Variants in GRIN1 observed in about 807,000 individuals in gnomAD.
GRIN1 encodes the protein glutamate receptor ionotropic, NMDA 1.
Under a neutral mutation model 103.0 loss-of-function variants are expected in GRIN1, and 38 were observed. The observed-to-expected ratio is 0.37, with a 90% CI of 0.28 to 0.48. The LOEUF is 0.48. GRIN1 is among the 20% of genes least tolerant of loss of function. The pLI is 0.98. For missense variants in GRIN1, 577 were observed against 1,288.9 expected, an observed-to-expected ratio of 0.45 and a Z score of 8.46; for synonymous variants, 544 against 532.7, an observed-to-expected ratio of 1.02 and a Z score of -0.29.
chr9:137,158,319 G>T (rs992990766), intron 6 of GRIN1, 60 bp from the exon 7 acceptor site: 112 of 1,571,348 alleles, frequency 7.1e-5, no homozygotes, highest in Non-Finnish European at 8.8e-5. Flanking sequence ...GGGGGAAGGA[G>T]CAGGGAGGAG....
At position 137,167,840 on chromosome 9, in the gene GRIN1, TGAGGCCCCCG is replaced by T; in HGVS notation, c.*319_*328del. 6.2e-7 allele frequency: 1 copy of T among 1,612,028 alleles called. No individual in the cohort carries two copies. The highest frequency in any genetic ancestry group is 8.5e-7 in the Non-Finnish European group (1 of 1,179,530). On this transcript the variant is annotated 3_prime_UTR_variant, in exon 20 of 20. Coordinates refer to ENST00000371561, the MANE Select transcript of GRIN1 (RefSeq NM_007327.4). ...AGATCCCTCGGTCAGCACCGTGGTG[TGAGGCCCCCG>T]GAGGCGCCCACCTGCCCAGTTAGCC...
At position 137,146,235 on chromosome 9, in the gene GRIN1, T is replaced by C. The variant is rs1296494139; in HGVS notation, c.570+333T>C. ...AGGCCCCAGCCGGGCTTGGGACTCG[T>C]CACCCTTCCCGCCCACCCTGTCCTG... On this transcript the variant is annotated intron_variant, in intron 3 of 19. Transcript: ENST00000371561. The surrounding 1 kb of genome is among the most constrained non-coding windows in gnomAD (Gnocchi z 6.7). 6.6e-6 allele frequency among the ~76,000 whole-genome samples: 1 copy of C among 151,734 alleles called. No homozygotes were observed. Among genetic ancestry groups the C allele is most frequent in the Non-Finnish European group, 1.5e-5 (1 of 67,934 alleles).
At chr9:137,157,626 T>C (rs1044598596) in intron 6 of GRIN1, among the ~76,000 whole-genome samples, 13 of 152,152 alleles carry the variant, frequency 8.5e-5, no homozygotes, top group African/African-American at 3.1e-4. Flanking sequence ...ACAGCCAGGG[T>C]TGGCCAAGGC....
rs143098819 is a variant in GRIN1 at position 137,163,787 on chromosome 9, C to T, written c.2472C>T (p.Ile824=). 1.9e-6 allele frequency: 3 copies of T among 1,613,684 alleles called. No homozygotes were observed. The highest frequency in any genetic ancestry group is 2.5e-6 in the Non-Finnish European group (3 of 1,179,982). Residue 824 remains isoleucine (I), a synonymous_variant, in exon 18 of 20, where the codon ATC becomes ATT. Coordinates refer to ENST00000371561, the MANE Select transcript of GRIN1 (RefSeq NM_007327.4). Reference sequence around the variant, plus strand: ...TCTTCATGCTGGTAGCTGGGGGCATCGTGGCCGGGATCTTCCTGATTTTCA... The same window carrying T: ...TCTTCATGCTGGTAGCTGGGGGCATTGTGGCCGGGATCTTCCTGATTTTCA... ...AGVFMLVAGG[I]VAGIFLIFIE... is the part of the protein sequence containing the mutation.
Position 137,162,583 on chromosome 9 carries a change from G to A in GRIN1, c.1865-8G>A, listed in dbSNP as rs2131298967. ...TAGGGTCTGACAGAGCCCCCCGCCC[G>A]CCCACAGGCGCCCCCAGAAGCTTCT... On this transcript the variant is annotated splice_region_variant and splice_polypyrimidine_tract_variant and intron_variant, in intron 13 of 19. Transcript: ENST00000371561. 6.2e-7 allele frequency: 1 copy of A among 1,611,490 alleles called. No individual in the cohort carries two copies. The highest frequency in any genetic ancestry group is 2.2e-5 in the East Asian group (1 of 44,868).
rs1464418877 is a variant in GRIN1, at chr9:137,149,116, C to G, written c.671+7C>G. On this transcript the variant is annotated splice_region_variant and intron_variant, in intron 4 of 19. Transcript: ENST00000371561. ...TCATCATCCTTTCTGCCAGGTGAGGCTGGGCAGGGCCCTACACACTCCACA... is the reference window on the plus strand; with the variant it reads ...TCATCATCCTTTCTGCCAGGTGAGGGTGGGCAGGGCCCTACACACTCCACA... 6.3e-7 allele frequency: 1 copy of G among 1,575,802 alleles called. No individual in the cohort carries two copies. Among genetic ancestry groups the G allele is most frequent in the Non-Finnish European group, 8.7e-7 (1 of 1,151,124 alleles).
chr9:137,144,619 C>A (rs968114505), intron 2 of GRIN1, among the ~76,000 whole-genome samples: 6 of 147,512 alleles, frequency 4.1e-5, no homozygotes, highest in African/African-American at 1.3e-4. Flanking sequence ...TGCACTCCAG[C>A]CTGGGTAACA....
chr9:137,162,902 T>C lies in GRIN1; in HGVS notation c.2070T>C (p.Asp690=), dbSNP rs1833636508. The C allele has an allele frequency of 3.1e-6, 5 of 1,611,522 alleles. No individual in the cohort carries two copies. Among genetic ancestry groups the C allele is most frequent in the Non-Finnish European group, 4.2e-6 (5 of 1,179,422 alleles). The stretch of plus-strand genomic sequence containing the variant: ...CCACGGTGAAGCAGAGCTCCGTGGA[T>C]ATCTACTTCCGGCGCCAGGTGGAGC... ...IYATVKQSSV[D]IYFRRQVELS... The change falls in exon 15 of 20, where the codon GAT becomes GAC. Residue 690 remains aspartate (D), a synonymous_variant. Transcript: ENST00000371561.
intron 3 of GRIN1, chr9:137,148,023 G>C: frequency 3.3e-6 from 2 of 605,554 alleles, no homozygotes; most frequent in Middle Eastern, 2.9e-4. Flanking sequence ...CGGTGTTTGC[G>C]AGCTCCAGGT....
chr9:137,154,515 G>A (rs1253725796), intron 4 of GRIN1, among the ~76,000 whole-genome samples: 8 of 128,988 alleles, frequency 6.2e-5, no homozygotes, highest in African/African-American at 8.9e-5. Context: ...GTGCAGTGGC[G>A]CGATCTTGGC....
rs200389409 is a variant in GRIN1, at chr9:137,167,976, C to T, written c.*449C>T. Reference sequence around the variant, plus strand: ...CTGGGCCTCCCGTCCGTCCGCCCGCCCACCCCGCTGCCTGGCGGGCAGCCC... The same window carrying T: ...CTGGGCCTCCCGTCCGTCCGCCCGCTCACCCCGCTGCCTGGCGGGCAGCCC... On this transcript the variant is annotated 3_prime_UTR_variant, in exon 20 of 20. Transcript: ENST00000371561. The T allele has an allele frequency of 3.8e-5, 31 of 806,520 alleles. No homozygotes were observed. Among genetic ancestry groups the T allele is most frequent in the Non-Finnish European group, 6.2e-5 (30 of 485,652 alleles). 50.0% of individuals were successfully genotyped at this position (806,520 alleles called of 1,614,324 possible).
intron 2 of GRIN1, 103 bp from the exon 3 acceptor site, chr9:137,145,623 G>A: frequency 1.1e-6 from 1 of 918,946 alleles, no homozygotes; most frequent in South Asian, 1.5e-5. Flanking sequence ...GGTGGGAGGA[G>A]GGGGGTTCCC....
At chr9:137,142,566 G>A (rs574671595) in intron 2 of GRIN1, among the ~76,000 whole-genome samples, 13 of 152,298 alleles carry the variant, frequency 8.5e-5, no homozygotes, top group South Asian at 6.2e-4. Context: ...CCATGGATTC[G>A]CACAAAGTCA....
At position 137,144,415 on chromosome 9, in the gene GRIN1, G is replaced by A. The variant is rs527433788; in HGVS notation, c.394-1311G>A. Among the ~76,000 whole-genome samples the A allele has an allele frequency of 1.9e-4, 29 of 151,810 alleles. 1 individual carries two copies. In the South Asian group the frequency reaches 5.8e-3, roughly 31 times the overall value. ...CACGCCTGTAATCCCAGCACTTTGG[G>A]AGGCCGAGGCGGGCGGATCACGAGG... On this transcript the variant is annotated intron_variant, in intron 2 of 19. Coordinates refer to ENST00000371561, the MANE Select transcript of GRIN1 (RefSeq NM_007327.4).
intron 4 of GRIN1, 81 bp from the exon 5 acceptor site, chr9:137,156,588 C>T: frequency 1.3e-6 from 2 of 1,546,324 alleles, no homozygotes; most frequent in Non-Finnish European, 1.7e-6. Flanking sequence ...GTCCCTGCTC[C>T]AGAGGAGGAG....
chr9:137,160,958 T>C, intron 8 of GRIN1, 98 bp from the exon 9 acceptor site: 2 of 1,485,388 alleles, frequency 1.3e-6, no homozygotes, highest in Non-Finnish European at 1.9e-6. Flanking sequence ...CGTCGGGGAT[T>C]AAGAGGGGCG....
chr9:137,153,680 C>T (rs1480422099), intron 4 of GRIN1, among the ~76,000 whole-genome samples: 3 of 152,176 alleles, frequency 2.0e-5, no homozygotes, highest in Non-Finnish European at 4.4e-5. Context: ...CACACATGCA[C>T]ATACATCACA....
Position 137,158,287 on chromosome 9 carries a change from G to A in GRIN1, c.969-92G>A. The A allele has an allele frequency of 4.3e-6, 6 of 1,390,308 alleles. No homozygotes were observed. The Admixed American group carries it at 6.9e-5, about 16-fold the overall frequency. 86.1% of individuals were successfully genotyped at this position (1,390,308 alleles called of 1,614,324 possible). On this transcript the variant is annotated intron_variant, in intron 6 of 19. Transcript: ENST00000371561. ...AAGGAGCAGGGAGAAGGAGCAGGGG[G>A]AAGGAGCAGGGAGAAGCAGCAGGGG...
At chr9:137,141,157 G>C (rs113606427) in intron 1 of GRIN1, among the ~76,000 whole-genome samples, 1 of 152,196 alleles carries the variant, frequency 6.6e-6, no homozygotes, top group Admixed American at 6.5e-5. Flanking sequence ...ACACACCCCC[G>C]GCCAGGTACT....
Sources: allele counts gnomAD v4.1 joint callset (sites outside exome capture counted in the v4.1 genomes callset), GRCh38; gene constraint gnomAD v4.1.1; non-coding constraint Gnocchi (gnomAD v3.1); transcripts MANE v1.5; gene names NCBI Gene and HGNC (gene_info 2026-07-23, HGNC 2026-07-21).